The following KIAA1328 variants were observed in gnomAD, a reference collection of about 807,000 sequenced individuals.
The protein encoded by KIAA1328 is KIAA1328.
Under a neutral mutation model 68.1 loss-of-function variants are expected in KIAA1328, and 52 were observed. The observed-to-expected ratio is 0.76, with a 90% CI of 0.61 to 0.96. The LOEUF (loss-of-function observed/expected upper bound fraction) is 0.96, where lower values mean the gene tolerates loss of function less well. Among genes scored for constraint, KIAA1328 ranks in the 40% least tolerant of loss-of-function variants. The probability of loss-of-function intolerance (pLI) is 0.00; values close to 1 mark genes in which losing one functional copy is unlikely to be tolerated. For synonymous variants in KIAA1328, 232 were observed against 239.4 expected (o/e 0.97, Z 0.28); for missense variants, 641 against 677.6 (o/e 0.95, Z 0.60).
rs887835761 is a variant in KIAA1328, at chr18:37,066,939, G to A, written c.626G>A (p.Gly209Asp). The A allele has an allele frequency of 2.5e-6, 4 of 1,609,962 alleles. No individual in the cohort carries two copies. The highest frequency in any genetic ancestry group is 2.7e-5 in the African/African-American group (2 of 74,862). Residue 209 changes from glycine (G) to aspartate (D), a missense_variant, in exon 7 of 10, where the codon GGT becomes GAT. Transcript: ENST00000280020. ...TLQCSSVELDGSYLSIARPQT... is the reference protein window; with the variant it reads ...TLQCSSVELDDSYLSIARPQT... The stretch of plus-strand genomic sequence containing the variant: ...CAGTGTTCATCTGTGGAACTGGATG[G>A]TTCCTACTTGAGCATAGCCAGACCA...
intron 6 of KIAA1328, among the ~76,000 whole-genome samples, chr18:37,053,758 G>A (rs2055797089): frequency 1.3e-5 from 2 of 151,938 alleles, no homozygotes; most frequent in Admixed American, 6.6e-5. Flanking sequence ...GAACAGCATG[G>A]GAGTAACCAC....
At chr18:36,830,817 A>C (rs2046458403) in intron 1 of KIAA1328, among the ~76,000 whole-genome samples, 1 of 152,240 alleles carries the variant, frequency 6.6e-6, no homozygotes, top group Admixed American at 6.5e-5. Flanking sequence ...GTACAGGGGA[A>C]AAATGGTGGC....
Position 36,959,376 on chromosome 18 carries a change from C to T in KIAA1328, c.517C>T (p.Gln173Ter), listed in dbSNP as rs1598825273. 6.2e-7 allele frequency: 1 copy of T among 1,608,850 alleles called. No individual in the cohort carries two copies. The highest frequency in any genetic ancestry group is 8.5e-7 in the Non-Finnish European group (1 of 1,177,630). Residue 173 changes from glutamine to a stop codon, truncating the protein, a stop_gained, in exon 6 of 10, where the codon CAG becomes TAG. Coordinates refer to ENST00000280020, the MANE Select transcript of KIAA1328 (RefSeq NM_020776.3). LOFTEE classifies it high-confidence loss of function. ...SLYQKYLSEQQEKLTMSLSEL... is the reference protein window; with the variant it reads ...SLYQKYLSEQ ...GTATCAGAAATATTTATCAGAACAACAGGAGAAGCTCACCATGTCTCTCTC... is the reference window on the plus strand; with the variant it reads ...GTATCAGAAATATTTATCAGAACAATAGGAGAAGCTCACCATGTCTCTCTC...
rs116022869 is a variant in KIAA1328 at position 36,829,465 on chromosome 18, G to A, written c.58+269G>A. 1.1e-4 allele frequency: 138 copies of A among 1,280,678 alleles called. No homozygotes were observed. In the African/African-American group the frequency reaches 1.7e-3, roughly 16 times the overall value. The allele number at this position is 1,280,678 out of a possible 1,614,324, so 79.3% of individuals were successfully genotyped here. On this transcript the variant is annotated intron_variant, in intron 1 of 9. Transcript: ENST00000280020. ...GTGAGCTCGAGAAAGATAGCCTTGA[G>A]TCCAGGCTCAGTCCAGGGCTGAGAT...
intron 9 of KIAA1328, among the ~76,000 whole-genome samples, chr18:37,209,821 C>G (rs1365148090): frequency 6.6e-6 from 1 of 151,836 alleles, no homozygotes; most frequent in African/African-American, 2.4e-5. Context: ...GTAAAGATAT[C>G]AGGTAGCAGT....
intron 6 of KIAA1328, among the ~76,000 whole-genome samples, chr18:37,020,168 G>C (rs977230124): frequency 3.9e-5 from 6 of 152,080 alleles, no homozygotes; most frequent in African/African-American, 1.4e-4. Context: ...CTGTTGCCCA[G>C]GCTGGAGTGC....
At chr18:37,144,556 A>G (rs1191168984) in intron 7 of KIAA1328, among the ~76,000 whole-genome samples, 4 of 152,028 alleles carry the variant, frequency 2.6e-5, no homozygotes, top group Non-Finnish European at 1.5e-5. Flanking sequence ...GTTGTTGTTG[A>G]GACAGGGTCT....
intron 4 of KIAA1328, among the ~76,000 whole-genome samples, chr18:36,876,777 A>G (rs575332417): frequency 2.8e-4 from 43 of 152,140 alleles, no homozygotes; most frequent in African/African-American, 9.9e-4. Flanking sequence ...TAAGATGTCA[A>G]TTTTAGATCT....
intron 4 of KIAA1328, among the ~76,000 whole-genome samples, chr18:36,880,542 G>T (rs996636012): frequency 6.6e-6 from 1 of 152,104 alleles, no homozygotes; most frequent in Admixed American, 6.5e-5. Context: ...CTTTTTCTTG[G>T]TCTGTAGGCA....
chr18:37,180,200 A>C (rs192827136), intron 9 of KIAA1328, among the ~76,000 whole-genome samples: 1 of 152,168 alleles, frequency 6.6e-6, no homozygotes, highest in East Asian at 1.9e-4. Flanking sequence ...GAATGATTTT[A>C]GGTACGTTAT....
At chr18:37,061,752 A>G (rs1232987748) in intron 6 of KIAA1328, among the ~76,000 whole-genome samples, 1 of 152,170 alleles carries the variant, frequency 6.6e-6, no homozygotes, top group Non-Finnish European at 1.5e-5. Context: ...TTAATTTTTT[A>G]TATTCAGATT....
At chr18:36,983,449 A>C (rs898510873) in intron 6 of KIAA1328, among the ~76,000 whole-genome samples, 1 of 152,086 alleles carries the variant, frequency 6.6e-6, no homozygotes, top group African/African-American at 2.4e-5. Flanking sequence ...ACTAATCCAC[A>C]ATTATACTTG....
intron 5 of KIAA1328, among the ~76,000 whole-genome samples, chr18:36,954,237 C>G (rs113853944): frequency 0.15 from 22,783 of 151,850 alleles, 1,820 homozygotes; most frequent in African/African-American, 0.18. Flanking sequence ...CTCCTGACCT[C>G]GTGATCCACC....
intron 6 of KIAA1328, among the ~76,000 whole-genome samples, chr18:36,960,920 C>T (rs1011387967): frequency 4.6e-5 from 7 of 152,146 alleles, no homozygotes; most frequent in East Asian, 3.9e-4. Flanking sequence ...TCCAAAGGAT[C>T]GCAACTCCTC....
intron 7 of KIAA1328, among the ~76,000 whole-genome samples, chr18:37,072,392 T>A (rs1031717352): frequency 6.7e-6 from 1 of 149,686 alleles, no homozygotes; most frequent in South Asian, 2.1e-4. Context: ...TCTCTATACA[T>A]AAAATATAAT....
At chr18:36,890,071 C>A (rs2048629780) in intron 5 of KIAA1328, among the ~76,000 whole-genome samples, 1 of 151,942 alleles carries the variant, frequency 6.6e-6, no homozygotes, top group African/African-American at 2.4e-5. Context: ...TGGTCTGTTT[C>A]TATTATCTCT....
At chr18:36,876,320 G>C (rs921332810) in intron 4 of KIAA1328, among the ~76,000 whole-genome samples, 7 of 151,800 alleles carry the variant, frequency 4.6e-5, no homozygotes, top group African/African-American at 1.7e-4. Context: ...TTTTTTGGTT[G>C]GTAGGCTATT....
chr18:36,877,403 G>A (rs2150953187), intron 4 of KIAA1328, among the ~76,000 whole-genome samples: 2 of 151,968 alleles, frequency 1.3e-5, no homozygotes, highest in African/African-American at 4.8e-5. Context: ...TTGTTGCATT[G>A]ATCCCTTTAC....
intron 4 of KIAA1328, among the ~76,000 whole-genome samples, chr18:36,881,108 T>C (rs982688806): frequency 1.3e-5 from 2 of 151,722 alleles, no homozygotes; most frequent in Non-Finnish European, 2.9e-5. Flanking sequence ...CTAAAAGTGA[T>C]AACCAGTAAG....
Sources: allele counts gnomAD v4.1 joint callset (sites outside exome capture counted in the v4.1 genomes callset), GRCh38; gene constraint gnomAD v4.1.1; transcripts MANE v1.5; gene names NCBI Gene and HGNC (gene_info 2026-07-23, HGNC 2026-07-21).